MAN1A2: variants seen among roughly 807,000 people sequenced by gnomAD.
MAN1A2 encodes the protein mannosyl-oligosaccharide 1,2-alpha-mannosidase IB.
Under a neutral mutation model 75.7 loss-of-function variants are expected in MAN1A2, and 26 were observed. The ratio of observed to expected loss-of-function variants is 0.34; its 90% CI spans 0.25 to 0.48. The LOEUF (loss-of-function observed/expected upper bound fraction) is 0.48. Among genes scored for constraint, MAN1A2 ranks in the 20% least tolerant of loss-of-function variants. MAN1A2 has a pLI of 0.99. For missense variants in MAN1A2, 562 were observed against 775.5 expected, an observed-to-expected ratio of 0.72 and a Z score of 3.27; for synonymous variants, 247 against 264.6, an observed-to-expected ratio of 0.93 and a Z score of 0.65.
intron 12 of MAN1A2, among the ~76,000 whole-genome samples, chr1:117,514,437 T>C (rs1251175496): frequency 6.6e-6 from 1 of 152,030 alleles, no homozygotes; most frequent in Non-Finnish European, 1.5e-5. Flanking sequence ...TAGTAAATTA[T>C]CCAGAATAGG....
chr1:117,469,361 A>C (rs1650070367), intron 8 of MAN1A2, among the ~76,000 whole-genome samples: 1 of 152,150 alleles, frequency 6.6e-6, no homozygotes. Flanking sequence ...AACTCTTAGA[A>C]GAAAACATAG....
At chr1:117,397,111 T>G (rs1416298399) in intron 1 of MAN1A2, among the ~76,000 whole-genome samples, 1 of 152,052 alleles carries the variant, frequency 6.6e-6, no homozygotes, top group African/African-American at 2.4e-5. Context: ...AACTCTGGAG[T>G]TTCTCTTAGG....
At chr1:117,506,793 T>C (rs1362405224) in intron 12 of MAN1A2, among the ~76,000 whole-genome samples, 5 of 151,450 alleles carry the variant, frequency 3.3e-5, no homozygotes, top group Non-Finnish European at 7.4e-5. Context: ...TTCAGGGTAA[T>C]AGCTATAAAG....
intron 5 of MAN1A2, among the ~76,000 whole-genome samples, chr1:117,439,574 A>G (rs184264926): frequency 1.5e-4 from 23 of 151,612 alleles, no homozygotes; most frequent in African/African-American, 4.6e-4. Flanking sequence ...GTTCACTGCA[A>G]CCTCCGCCTC....
intron 8 of MAN1A2, among the ~76,000 whole-genome samples, chr1:117,485,303 A>C (rs1280763732): frequency 1.3e-5 from 2 of 152,022 alleles, no homozygotes; most frequent in Non-Finnish European, 2.9e-5. Flanking sequence ...GAACTTGATA[A>C]GGTTATAGTA....
At chr1:117,380,295 G>A (rs538634347) in intron 1 of MAN1A2, among the ~76,000 whole-genome samples, 2 of 152,210 alleles carry the variant, frequency 1.3e-5, no homozygotes, top group African/African-American at 4.8e-5. Context: ...TTGAAGGAAC[G>A]TCTATCCAGG....
At chr1:117,508,331 G>A (rs935831251) in intron 12 of MAN1A2, among the ~76,000 whole-genome samples, 2 of 151,476 alleles carry the variant, frequency 1.3e-5, no homozygotes, top group Admixed American at 6.6e-5. Flanking sequence ...TAACAAATTT[G>A]TTATTAAAGG....
rs1454375483 is a variant in MAN1A2 at position 117,527,922 on chromosome 1, T to C, written c.*4965T>C. 1.3e-5 allele frequency: 2 copies of C among 152,084 alleles called. No individual in the cohort carries two copies. Among genetic ancestry groups the C allele is most frequent in the African/African-American group, 4.8e-5 (2 of 41,442 alleles). The allele number at this position is 152,084 out of a possible 1,614,324, so 9.4% of individuals were successfully genotyped here. On this transcript the variant is annotated 3_prime_UTR_variant, in exon 13 of 13. Transcript: ENST00000356554. ...GCTATTTGGCAGCCACTATTCCTTT[T>C]TTAGACTGCAGAACGGTACTGCCCC...
intron 2 of MAN1A2, 57 bp from the exon 3 acceptor site, chr1:117,405,492 T>TA (rs1201482114): frequency 2.8e-6 from 3 of 1,083,492 alleles, no homozygotes; most frequent in East Asian, 2.4e-5. Flanking sequence ...TTGTATGAAA[T>TA]AAAAAAACAG....
chr1:117,404,339 T>C (rs1300153093), intron 2 of MAN1A2, among the ~76,000 whole-genome samples: 1 of 152,168 alleles, frequency 6.6e-6, no homozygotes, highest in Non-Finnish European at 1.5e-5. Context: ...ATATAATTCG[T>C]CTGATATATA....
At chr1:117,475,171 G>A (rs926678216) in intron 8 of MAN1A2, among the ~76,000 whole-genome samples, 9 of 151,664 alleles carry the variant, frequency 5.9e-5, no homozygotes, top group Admixed American at 2.0e-4. Flanking sequence ...CACTTCTCTC[G>A]GGGAATACTT....
intron 7 of MAN1A2, among the ~76,000 whole-genome samples, chr1:117,463,149 TA>T (rs1373215435): frequency 1.3e-5 from 2 of 150,688 alleles, no homozygotes; most frequent in Non-Finnish European, 3.0e-5. Context: ...ATTATATTAA[TA>T]AAAATATTAA....
At position 117,527,743 on chromosome 1, in the gene MAN1A2, A is replaced by G. The variant is rs182520290; in HGVS notation, c.*4786A>G. 11 of 152,200 alleles carry G rather than the reference A, an allele frequency of 7.2e-5. No individual in the cohort carries two copies. Among genetic ancestry groups the G allele is most frequent in the African/African-American group, 2.6e-4 (11 of 41,568 alleles). The allele number at this position is 152,200 out of a possible 1,614,324, so 9.4% of individuals were successfully genotyped here. A position where few individuals can be genotyped will look rare whatever the true frequency, so the allele number is the denominator to read the frequency against. ...TCTCCTGCTCATTGACCCTTGAACC[A>G]GGATTCTGGATTGCTAGAGCTGCAG... On this transcript the variant is annotated 3_prime_UTR_variant, in exon 13 of 13. Coordinates refer to ENST00000356554, the MANE Select transcript of MAN1A2 (RefSeq NM_006699.5).
intron 2 of MAN1A2, among the ~76,000 whole-genome samples, 156 bp downstream of exon 2, chr1:117,402,597 C>G (rs1412295930): frequency 2.1e-5 from 3 of 145,662 alleles, no homozygotes; most frequent in African/African-American, 7.7e-5. Context: ...AGAACTCTTT[C>G]TTGTTTTTTT....
intron 8 of MAN1A2, among the ~76,000 whole-genome samples, chr1:117,475,816 A>G (rs1203568999): frequency 6.6e-6 from 1 of 152,182 alleles, no homozygotes; most frequent in Non-Finnish European, 1.5e-5. Context: ...ACAGTGCTGC[A>G]GTAAACATAT....
At chr1:117,428,784 C>CTTT (rs780515731) in intron 5 of MAN1A2, among the ~76,000 whole-genome samples, 130 of 109,892 alleles carry the variant, frequency 1.2e-3, no homozygotes, top group Middle Eastern at 6.9e-3. Flanking sequence ...GGAGACCTTT[C>CTTT]TTTTTTTTTT....
chr1:117,466,318 AT>A lies in MAN1A2; in HGVS notation c.1075-12del. On this transcript the variant is annotated splice_polypyrimidine_tract_variant and intron_variant, in intron 7 of 12. Coordinates refer to ENST00000356554, the MANE Select transcript of MAN1A2 (RefSeq NM_006699.5). Reference sequence around the variant, plus strand: ...CTTATTTTTATTAATTGCATTCTTAATTTTATTTTACTCAGGTTATGCACAT... The same window carrying A: ...CTTATTTTTATTAATTGCATTCTTAATTTATTTTACTCAGGTTATGCACAT... The A allele has an allele frequency of 6.5e-7, 1 of 1,526,798 alleles. No individual in the cohort carries two copies. The highest frequency in any genetic ancestry group is 9.0e-7 in the Non-Finnish European group (1 of 1,112,616). 94.6% of individuals were successfully genotyped at this position (1,526,798 alleles called of 1,614,324 possible).
chr1:117,464,235 G>C (rs1649914410), intron 7 of MAN1A2, among the ~76,000 whole-genome samples: 1 of 151,100 alleles, frequency 6.6e-6, no homozygotes, highest in Admixed American at 6.6e-5. Context: ...GGGCGTGCCT[G>C]TACTCCCCAG....
At position 117,525,515 on chromosome 1, in the gene MAN1A2, T is replaced by A. The variant is rs545260416; in HGVS notation, c.*2558T>A. On this transcript the variant is annotated 3_prime_UTR_variant, in exon 13 of 13. Transcript: ENST00000356554. ...AGACCTTAATACTCAGGTTAAATAT[T>A]CATTGCATTTATAAGATCTTCTGCA... 6 of 158,406 alleles carry A rather than the reference T, an allele frequency of 3.8e-5. No individual in the cohort carries two copies. The highest frequency in any genetic ancestry group is 1.4e-4 in the African/African-American group (6 of 41,672). 9.8% of individuals were successfully genotyped at this position (158,406 alleles called of 1,614,324 possible). A position where few individuals can be genotyped will look rare whatever the true frequency, so the allele number is the denominator to read the frequency against.
Sources: allele counts gnomAD v4.1 joint callset (sites outside exome capture counted in the v4.1 genomes callset), GRCh38; gene constraint gnomAD v4.1.1; transcripts MANE v1.5; gene names NCBI Gene and HGNC (gene_info 2026-07-23, HGNC 2026-07-21).